Variants in CAP2 observed in about 807,000 individuals in gnomAD.
CAP2 encodes cyclase associated actin cytoskeleton regulatory protein 2, also known as adenylyl cyclase-associated protein 2.
In CAP2, 24 loss-of-function variants were observed where a neutral mutation model predicts 57.7. The observed-to-expected ratio is 0.42, with a 90% confidence interval of 0.30 to 0.58. The LOEUF (loss-of-function observed/expected upper bound fraction) is 0.58, where lower values mean the gene tolerates loss of function less well. Among genes scored for constraint, CAP2 ranks in the 20% least tolerant of loss-of-function variants. The pLI, the probability that CAP2 is intolerant of heterozygous loss-of-function variation, is 0.22. For missense variants in CAP2, 501 were observed against 590.3 expected, an observed-to-expected ratio of 0.85 and a Z score of 1.57; for synonymous variants, 194 against 207.2, an observed-to-expected ratio of 0.94 and a Z score of 0.55.
intron 1 of CAP2, among the ~76,000 whole-genome samples, chr6:17,409,293 G>A (rs557945862): frequency 3.3e-5 from 5 of 151,626 alleles, no homozygotes; most frequent in Admixed American, 6.6e-5. Context: ...AATCACCTGC[G>A]CCCAGGAAGC....
chr6:17,478,376 G>A (rs1761209131), intron 4 of CAP2, among the ~76,000 whole-genome samples: 1 of 149,144 alleles, frequency 6.7e-6, no homozygotes, highest in Admixed American at 6.8e-5. Flanking sequence ...AAACTCCTGA[G>A]CTTAAGCAAT....
chr6:17,440,612 GTGGTGT>G lies in CAP2; in HGVS notation c.222+13923_222+13928del, dbSNP rs1368795918. 2.1e-3 allele frequency among the ~76,000 whole-genome samples: 154 copies of G among 72,830 alleles called. 12 individuals carry two copies. Among genetic ancestry groups the G allele is most frequent in the African/African-American group, 7.9e-3 (144 of 18,272 alleles). The allele number at this position is 72,830 out of a possible 152,430, so 47.8% of individuals were successfully genotyped here. ...GTTTTGGGCTGAAAACAAACTGTGT[GTGGTGT>G]GTGTGTGTGTGTGTGTGTGTGTGTG... On this transcript the variant is annotated intron_variant, in intron 3 of 12. Coordinates refer to ENST00000229922, the MANE Select transcript of CAP2 (RefSeq NM_006366.3).
At chr6:17,440,611 T>TGGG (rs56057918) in intron 3 of CAP2, among the ~76,000 whole-genome samples, 10 of 141,896 alleles carry the variant, frequency 7.0e-5, no homozygotes, top group East Asian at 2.1e-4. Flanking sequence ...ACAAACTGTG[T>TGGG]GTGGTGTGTG....
At chr6:17,522,575 A>G (rs1762417170) in intron 7 of CAP2, among the ~76,000 whole-genome samples, 1 of 152,228 alleles carries the variant, frequency 6.6e-6, no homozygotes, top group East Asian at 1.9e-4. Flanking sequence ...CTAGGCAAAC[A>G]GTAAAGGGAA....
chr6:17,494,237 A>T (rs546372088), intron 4 of CAP2, among the ~76,000 whole-genome samples: 2 of 152,298 alleles, frequency 1.3e-5, no homozygotes, highest in East Asian at 1.9e-4. Flanking sequence ...CTCCATGGTG[A>T]TCTCCGCTTT....
At position 17,394,114 on chromosome 6, in the gene CAP2, G is replaced by A. The variant is rs1482056948; in HGVS notation, c.-2+368G>A. 3.4e-5 allele frequency among the ~76,000 whole-genome samples: 5 copies of A among 148,442 alleles called. No homozygotes were observed. The East Asian group carries it at 8.3e-4, about 25-fold the overall frequency. On this transcript the variant is annotated intron_variant, in intron 1 of 12. Coordinates refer to ENST00000229922, the MANE Select transcript of CAP2 (RefSeq NM_006366.3). The stretch of plus-strand genomic sequence containing the variant: ...CCACCCCAGCGCCGCCGCCCGCCCG[G>A]CCGCTCTAACTTTGGGGGGTCTCGT...
chr6:17,409,449 T>C (rs573227734), intron 1 of CAP2, among the ~76,000 whole-genome samples: 17 of 152,130 alleles, frequency 1.1e-4, no homozygotes, highest in African/African-American at 4.1e-4. Context: ...ACACTTACCA[T>C]GATAATTCAG....
chr6:17,447,581 C>T (rs1760295791), intron 3 of CAP2, among the ~76,000 whole-genome samples: 1 of 152,328 alleles, frequency 6.6e-6, no homozygotes, highest in Non-Finnish European at 1.5e-5. Flanking sequence ...TCACTGCAAC[C>T]TCCACCACCT....
At chr6:17,470,043 G>A (rs1278830343) in intron 4 of CAP2, among the ~76,000 whole-genome samples, 1 of 152,234 alleles carries the variant, frequency 6.6e-6, no homozygotes, top group Admixed American at 6.5e-5. Flanking sequence ...TGTGAGGGTT[G>A]TCAAGAGCAG....
At chr6:17,528,157 G>A (rs1762555102) in intron 7 of CAP2, among the ~76,000 whole-genome samples, 2 of 152,156 alleles carry the variant, frequency 1.3e-5, no homozygotes, top group African/African-American at 2.4e-5. Context: ...TTGCCCAACC[G>A]TGGACTAATG....
chr6:17,553,275 C>T (rs60002474), intron 12 of CAP2, among the ~76,000 whole-genome samples: 2,506 of 152,206 alleles, frequency 0.016, 61 homozygotes, highest in African/African-American at 0.057. Flanking sequence ...CAGTGGGGAG[C>T]CAACATTGAA....
intron 4 of CAP2, among the ~76,000 whole-genome samples, chr6:17,465,096 T>C (rs1760827446): frequency 6.6e-6 from 1 of 152,256 alleles, no homozygotes; most frequent in Non-Finnish European, 1.5e-5. Context: ...GCATGAGCCA[T>C]AGTCAGGGAC....
intron 1 of CAP2, among the ~76,000 whole-genome samples, chr6:17,410,224 C>T (rs1355396323): frequency 6.6e-6 from 1 of 152,306 alleles, no homozygotes; most frequent in African/African-American, 2.4e-5. Flanking sequence ...CATGCTCCCA[C>T]CACATCCCTG....
chr6:17,546,800 T>C (rs923543065), intron 11 of CAP2, among the ~76,000 whole-genome samples: 3 of 152,160 alleles, frequency 2.0e-5, no homozygotes, highest in African/African-American at 7.2e-5. Flanking sequence ...TCACTACTCC[T>C]ATTCAACATA....
At chr6:17,417,895 A>G (rs374802663) in intron 1 of CAP2, among the ~76,000 whole-genome samples, 6 of 152,196 alleles carry the variant, frequency 3.9e-5, no homozygotes, top group South Asian at 2.1e-4. Context: ...TCCTTGGTCT[A>G]TCCCCCTGGC....
intron 7 of CAP2, among the ~76,000 whole-genome samples, chr6:17,524,041 A>G (rs1181196997): frequency 1.4e-5 from 2 of 145,884 alleles, no homozygotes; most frequent in Admixed American, 7.1e-5. Context: ...GCGCCACTGC[A>G]CTCCAGCCTG....
At chr6:17,481,787 C>T (rs1761293508) in intron 4 of CAP2, among the ~76,000 whole-genome samples, 1 of 152,190 alleles carries the variant, frequency 6.6e-6, no homozygotes. Flanking sequence ...CTTCTCTTGG[C>T]CTTGTCATAG....
intron 7 of CAP2, among the ~76,000 whole-genome samples, chr6:17,532,082 A>C (rs965796493): frequency 6.7e-6 from 1 of 149,924 alleles, no homozygotes; most frequent in Non-Finnish European, 1.5e-5. Context: ...ATTAAGAGTT[A>C]GATTCTACTC....
chr6:17,474,655 T>C (rs1204137494), intron 4 of CAP2, among the ~76,000 whole-genome samples: 2 of 152,222 alleles, frequency 1.3e-5, no homozygotes, highest in African/African-American at 4.8e-5. Flanking sequence ...TCAGCACCTA[T>C]GTAGTAGTCT....
Sources: gnomAD v4.1 joint callset for allele counts (sites outside exome capture counted in the v4.1 genomes callset) on GRCh38, gnomAD v4.1.1 for gene constraint, MANE v1.5 for transcripts, NCBI Gene and HGNC (gene_info 2026-07-23, HGNC 2026-07-21) for gene names.